The following CCL28 variants were observed in gnomAD, a reference collection of about 807,000 sequenced individuals.
The protein encoded by CCL28 is C-C motif chemokine ligand 28.
In CCL28, 4 loss-of-function variants were observed where a neutral mutation model predicts 7.1. The observed-to-expected ratio is 0.56, with a 90% confidence interval of 0.28 to 1.29. CCL28 has a LOEUF of 1.29. CCL28 is among the 50% of genes most tolerant of loss of function. The pLI is 0.11. For synonymous variants in CCL28, 55 were observed against 57.8 expected, an observed-to-expected ratio of 0.95 and a Z score of 0.22; for missense variants, 151 against 163.4, an observed-to-expected ratio of 0.92 and a Z score of 0.41.
intron 1 of CCL28, among the ~76,000 whole-genome samples, chr5:43,392,014 A>C (rs1467531030): frequency 1.3e-5 from 2 of 152,192 alleles, no homozygotes; most frequent in Non-Finnish European, 2.9e-5. Flanking sequence ...AGTGGTTCTC[A>C]AACTTTAATG....
chr5:43,363,279 A>G, the CCL28 span, among the ~76,000 whole-genome samples: 1 of 152,226 alleles, frequency 6.6e-6, no homozygotes, highest in Admixed American at 6.5e-5. Context: ...ATGATGAACT[A>G]TTCACTGAGC....
intron 1 of CCL28, among the ~76,000 whole-genome samples, chr5:43,400,977 G>A (rs887894994): frequency 2.6e-5 from 4 of 151,952 alleles, no homozygotes; most frequent in African/African-American, 9.7e-5. Context: ...CAGCTACTCA[G>A]GAGGCTGAGA....
intron 1 of CCL28, among the ~76,000 whole-genome samples, chr5:43,407,901 A>T (rs1355643349): frequency 1.3e-5 from 2 of 152,236 alleles, no homozygotes; most frequent in Admixed American, 6.5e-5. Flanking sequence ...GCTCATCATC[A>T]CTGGCCATCA....
intron 1 of CCL28, among the ~76,000 whole-genome samples, chr5:43,402,958 G>C (rs975589393): frequency 2.0e-5 from 3 of 152,218 alleles, no homozygotes; most frequent in African/African-American, 7.2e-5. Context: ...CAGTGAGGCT[G>C]GGGGAAGGGC....
the CCL28 span, among the ~76,000 whole-genome samples, chr5:43,363,907 G>C: frequency 0.51 from 76,879 of 151,998 alleles, 19,990 homozygotes; most frequent in Middle Eastern, 0.62. Flanking sequence ...AGAAGCCACT[G>C]AGGAAAGCCT....
intron 1 of CCL28, among the ~76,000 whole-genome samples, chr5:43,400,273 T>C (rs553932967): frequency 6.6e-6 from 1 of 152,344 alleles, no homozygotes; most frequent in East Asian, 1.9e-4. Context: ...TTTTAGTCAC[T>C]AGAGGGCTGT....
chr5:43,388,331 C>T lies in CCL28; in HGVS notation c.191+19G>A, dbSNP rs778420458. 3.1e-6 allele frequency: 5 copies of T among 1,613,634 alleles called. No individual in the cohort carries two copies. The African/African-American group carries it at 6.7e-5, about 22-fold the overall frequency. On this transcript the variant is annotated intron_variant, in intron 2 of 2. Transcript: ENST00000361115. ...TAATCACTGTGCAGGTTTAGACCTC[C>T]CGGCTGATGAGCACTCACATGACAG...
chr5:43,362,531 T>C, the CCL28 span, among the ~76,000 whole-genome samples: 1 of 152,226 alleles, frequency 6.6e-6, no homozygotes, highest in East Asian at 1.9e-4. Flanking sequence ...GATTCACTTA[T>C]AGTTACTAAG....
downstream of CCL28, among the ~76,000 whole-genome samples, chr5:43,377,887 T>C (rs1004798352): frequency 6.7e-6 from 1 of 148,928 alleles, no homozygotes; most frequent in Non-Finnish European, 1.5e-5. Flanking sequence ...CGCCCGCCAC[T>C]ACGCCCGGCT....
At chr5:43,407,760 AT>A (rs1260001044) in intron 1 of CCL28, among the ~76,000 whole-genome samples, 8 of 152,360 alleles carry the variant, frequency 5.3e-5, no homozygotes, top group Admixed American at 2.6e-4. Flanking sequence ...CAAAGGGCTA[AT>A]ATCCAGAATC....
chr5:43,383,777 G>A (rs945312633), intron 2 of CCL28, among the ~76,000 whole-genome samples: 2 of 152,094 alleles, frequency 1.3e-5, no homozygotes, highest in African/African-American at 4.8e-5. Context: ...GAAAGAAACT[G>A]AGCAGATAAA....
At chr5:43,393,172 T>A (rs192673097) in intron 1 of CCL28, among the ~76,000 whole-genome samples, 4 of 152,264 alleles carry the variant, frequency 2.6e-5, no homozygotes, top group Admixed American at 1.3e-4. Flanking sequence ...CTTTATTCCA[T>A]ACTTTTTAAA....
intron 1 of CCL28, 27 bp downstream of exon 1, chr5:43,412,226 G>A: frequency 1.9e-6 from 3 of 1,595,264 alleles, no homozygotes; most frequent in Non-Finnish European, 2.6e-6. Flanking sequence ...TCCAGTGAAG[G>A]CCTAAGTGTC....
intron 1 of CCL28, among the ~76,000 whole-genome samples, chr5:43,397,773 A>G (rs887064536): frequency 6.6e-6 from 1 of 152,050 alleles, no homozygotes; most frequent in African/African-American, 2.4e-5. Context: ...AGATTCCTCT[A>G]TTTCTACTAT....
intron 1 of CCL28, among the ~76,000 whole-genome samples, chr5:43,392,814 A>T (rs1019968129): frequency 1.3e-5 from 2 of 152,152 alleles, no homozygotes; most frequent in African/African-American, 4.8e-5. Context: ...CTTGATTTTT[A>T]AAAAATTATT....
intron 1 of CCL28, among the ~76,000 whole-genome samples, chr5:43,392,179 C>T (rs1359409756): frequency 2.0e-5 from 3 of 152,114 alleles, no homozygotes; most frequent in African/African-American, 4.8e-5. Flanking sequence ...TGCAGTGGCG[C>T]GATCTCGGCT....
At chr5:43,389,932 CTG>C (rs1485994702) in intron 1 of CCL28, among the ~76,000 whole-genome samples, 5 of 152,190 alleles carry the variant, frequency 3.3e-5, no homozygotes, top group African/African-American at 1.2e-4. Context: ...CTGTAAAATT[CTG>C]TTAGATAACA....
At chr5:43,358,208 CA>C in the CCL28 span, among the ~76,000 whole-genome samples, 1 of 152,140 alleles carries the variant, frequency 6.6e-6, no homozygotes, top group South Asian at 2.1e-4. Context: ...AGACAAATTA[CA>C]AAAAATTTAG....
Position 43,403,273 on chromosome 5 carries a change from C to T in CCL28, c.64+8980G>A, listed in dbSNP as rs147195168. Among the ~76,000 whole-genome samples the T allele has an allele frequency of 3.8e-3, 583 of 152,322 alleles. 2 individuals are homozygous for T. The highest frequency in any genetic ancestry group is 5.4e-3 in the Admixed American group (83 of 15,304). On this transcript the variant is annotated intron_variant, in intron 1 of 2. Transcript: ENST00000361115. The stretch of plus-strand genomic sequence containing the variant: ...GGAGACTCCTCCCAGTAGGGGCCGA[C>T]TGACACCTCATACAGCCGGGTGACC...
Sources: allele counts gnomAD v4.1 joint callset (sites outside exome capture counted in the v4.1 genomes callset), GRCh38; gene constraint gnomAD v4.1.1; transcripts MANE v1.5; gene names NCBI Gene and HGNC (gene_info 2026-07-23, HGNC 2026-07-21).